Variants in AMPH observed in about 807,000 individuals in gnomAD.
AMPH encodes the protein amphiphysin.
In AMPH, 49 loss-of-function variants were observed where a neutral mutation model predicts 99.1. That is an observed-to-expected ratio of 0.49 (90% CI 0.39 to 0.63). The LOEUF (loss-of-function observed/expected upper bound fraction) is 0.63. Among genes scored for constraint, AMPH ranks in the 20% least tolerant of loss-of-function variants. AMPH has a pLI of 0.00. For synonymous variants in AMPH, 314 were observed against 317.3 expected (o/e 0.99, Z 0.11); for missense variants, 759 against 863.4 (o/e 0.88, Z 1.52).
At chr7:38,540,386 C>G (rs991919941) in intron 1 of AMPH, among the ~76,000 whole-genome samples, 19 of 152,064 alleles carry the variant, frequency 1.2e-4, no homozygotes, top group African/African-American at 4.6e-4. Context: ...TGTGCTCCTC[C>G]TCCAACCCTC....
chr7:38,465,643 G>T, intron 8 of AMPH, 94 bp from the exon 9 acceptor site: 1 of 1,129,312 alleles, frequency 8.9e-7, no homozygotes, highest in Non-Finnish European at 1.3e-6. Context: ...TTATTGAGAA[G>T]CTATAAATTT....
At chr7:38,569,927 A>T (rs916544546) in intron 1 of AMPH, among the ~76,000 whole-genome samples, 14 of 152,226 alleles carry the variant, frequency 9.2e-5, no homozygotes, top group Non-Finnish European at 1.8e-4. Flanking sequence ...GTCAGGTCAT[A>T]AGTTTCTTGG....
intron 1 of AMPH, among the ~76,000 whole-genome samples, chr7:38,564,510 A>G (rs551685543): frequency 6.6e-6 from 1 of 152,340 alleles, no homozygotes; most frequent in South Asian, 2.1e-4. Context: ...CCTGGGGACC[A>G]GAGAGCTGGT....
At chr7:38,596,859 C>A (rs200163266) in intron 1 of AMPH, among the ~76,000 whole-genome samples, 1 of 66,508 alleles carries the variant, frequency 1.5e-5, no homozygotes, top group Non-Finnish European at 3.8e-5. Flanking sequence ...ATGCATTTAT[C>A]TCTCTGTTTT....
intron 1 of AMPH, among the ~76,000 whole-genome samples, chr7:38,630,549 G>C (rs1794418076): frequency 6.6e-6 from 1 of 152,184 alleles, no homozygotes; most frequent in African/African-American, 2.4e-5. Context: ...GTCCTTCTTT[G>C]TGCAGAAATA....
chr7:38,535,901 C>T (rs1348250334), intron 1 of AMPH, among the ~76,000 whole-genome samples: 1 of 152,110 alleles, frequency 6.6e-6, no homozygotes, highest in East Asian at 1.9e-4. Context: ...CAAACTGGTA[C>T]CAGTCTGAGG....
At chr7:38,428,263 C>T (rs747385095) in intron 14 of AMPH, 1 of 456,586 alleles carries the variant, frequency 2.2e-6, no homozygotes, top group Non-Finnish European at 4.4e-6. Context: ...CAGATTTGAC[C>T]TGGATCTGTT....
At chr7:38,618,883 T>C (rs1793960914) in intron 1 of AMPH, among the ~76,000 whole-genome samples, 1 of 152,198 alleles carries the variant, frequency 6.6e-6, no homozygotes, top group Admixed American at 6.5e-5. Context: ...GTCTTTTCAG[T>C]TAATTATGTA....
At chr7:38,590,449 A>G (rs985818534) in intron 1 of AMPH, among the ~76,000 whole-genome samples, 2 of 152,268 alleles carry the variant, frequency 1.3e-5, no homozygotes, top group Admixed American at 1.3e-4. Context: ...CACAGACCAG[A>G]AGAGTGTGCA....
chr7:38,619,417 C>T lies in AMPH; in HGVS notation c.69+11866G>A, dbSNP rs184866322. Reference sequence around the variant, plus strand: ...ATACATGAAGGATAAACTGACAGAGCGGAAGAAAGAAATAGACAATTCAAC... The same window carrying T: ...ATACATGAAGGATAAACTGACAGAGTGGAAGAAAGAAATAGACAATTCAAC... On this transcript the variant is annotated intron_variant, in intron 1 of 20. Coordinates refer to ENST00000356264, the MANE Select transcript of AMPH (RefSeq NM_001635.4). Among the ~76,000 whole-genome samples, 848 of 152,094 alleles carry T rather than the reference C, an allele frequency of 5.6e-3. 5 individuals carry two copies. Among genetic ancestry groups the T allele is most frequent in the Non-Finnish European group, 8.1e-3 (548 of 67,976 alleles).
At chr7:38,528,827 C>A (rs1013761234) in intron 2 of AMPH, among the ~76,000 whole-genome samples, 2 of 151,724 alleles carry the variant, frequency 1.3e-5, no homozygotes, top group African/African-American at 4.8e-5. Context: ...GATTTAAGAC[C>A]TTTCCTTGTT....
At chr7:38,575,051 T>TAA (rs3056279) in intron 1 of AMPH, among the ~76,000 whole-genome samples, 47 of 105,282 alleles carry the variant, frequency 4.5e-4, no homozygotes, top group South Asian at 1.8e-3. Flanking sequence ...AGACTCTGTC[T>TAA]AAAAAAAAAA....
At chr7:38,430,561 A>G (rs114808053) in intron 13 of AMPH, among the ~76,000 whole-genome samples, 1,624 of 152,310 alleles carry the variant, frequency 0.011, 39 homozygotes, top group African/African-American at 0.038. Context: ...CACCCTCTCC[A>G]TACCCTCCCA....
chr7:38,607,553 C>T (rs2129063885), intron 1 of AMPH, among the ~76,000 whole-genome samples: 1 of 152,252 alleles, frequency 6.6e-6, no homozygotes, highest in East Asian at 1.9e-4. Context: ...ACCTCAGGAC[C>T]CCCGGTGAAG....
chr7:38,588,145 G>A (rs932574184), intron 1 of AMPH, among the ~76,000 whole-genome samples: 11 of 151,916 alleles, frequency 7.2e-5, no homozygotes, highest in African/African-American at 2.4e-4. Flanking sequence ...CTAGAGATGG[G>A]GTTTGGCCAT....
At chr7:38,572,321 T>C (rs970459787) in intron 1 of AMPH, among the ~76,000 whole-genome samples, 1 of 152,162 alleles carries the variant, frequency 6.6e-6, no homozygotes, top group African/African-American at 2.4e-5. Flanking sequence ...CAGAAACATA[T>C]GGTTCAGGTG....
chr7:38,403,121 A>G (rs1265734996), intron 17 of AMPH, among the ~76,000 whole-genome samples: 1 of 152,164 alleles, frequency 6.6e-6, no homozygotes, highest in Non-Finnish European at 1.5e-5. Flanking sequence ...AAAGGGGATC[A>G]AAGTTACAGA....
chr7:38,393,935 A>T, intron 18 of AMPH, 70 bp downstream of exon 18: 1 of 1,498,930 alleles, frequency 6.7e-7, no homozygotes, highest in Non-Finnish European at 9.3e-7. Context: ...ATCACCATGA[A>T]CCAACCAACA....
At chr7:38,526,757 T>A (rs1251093480) in intron 2 of AMPH, among the ~76,000 whole-genome samples, 8 of 152,184 alleles carry the variant, frequency 5.3e-5, no homozygotes, top group African/African-American at 1.4e-4. Flanking sequence ...GCAAAGGAAG[T>A]TTTTAATTTG....
Sources: allele counts gnomAD v4.1 joint callset (sites outside exome capture counted in the v4.1 genomes callset), GRCh38; gene constraint gnomAD v4.1.1; transcripts MANE v1.5; gene names NCBI Gene and HGNC (gene_info 2026-07-23, HGNC 2026-07-21).